The following WDPCP variants were observed in gnomAD, a reference collection of about 807,000 sequenced individuals.
WDPCP encodes WD repeat containing planar cell polarity effector, also known as WD repeat-containing and planar cell polarity effector protein fritz homolog.
A neutral mutation model predicts 93.1 loss-of-function variants in WDPCP; 71 were observed. The ratio of observed to expected loss-of-function variants is 0.76; its 90% CI spans 0.63 to 0.93. WDPCP has a LOEUF of 0.93. Among genes scored for constraint, WDPCP ranks in the 40% least tolerant of loss-of-function variants. WDPCP has a pLI of 0.00. For synonymous variants in WDPCP, 315 were observed against 315.0 expected, an observed-to-expected ratio of 1.00 and a Z score of 0.00; for missense variants, 844 against 887.4, an observed-to-expected ratio of 0.95 and a Z score of 0.62.
intron 2 of WDPCP, among the ~76,000 whole-genome samples, chr2:63,797,662 T>A (rs965514914): frequency 6.6e-6 from 1 of 151,160 alleles, no homozygotes; most frequent in East Asian, 1.9e-4. Context: ...GAAAAAAGAA[T>A]AAAGCACACC....
intron 6 of WDPCP, among the ~76,000 whole-genome samples, chr2:63,479,271 T>G (rs139190187): frequency 6.6e-6 from 1 of 152,072 alleles, no homozygotes; most frequent in African/African-American, 2.4e-5. Flanking sequence ...CAAAGAAGAA[T>G]TGGTATCAAT....
chr2:63,723,694 G>A (rs1313914621), intron 2 of WDPCP, among the ~76,000 whole-genome samples: 2 of 152,036 alleles, frequency 1.3e-5, no homozygotes, highest in African/African-American at 4.8e-5. Flanking sequence ...GACACCTCTG[G>A]CCCCACCCAA....
intron 2 of WDPCP, among the ~76,000 whole-genome samples, chr2:63,782,769 T>C (rs1159094311): frequency 1.3e-5 from 2 of 151,474 alleles, no homozygotes; most frequent in Non-Finnish European, 2.9e-5. Flanking sequence ...TGTGTGTGTG[T>C]GTGTGTGTTT....
chr2:63,648,964 T>A (rs1160553369), intron 3 of WDPCP, among the ~76,000 whole-genome samples: 1 of 152,236 alleles, frequency 6.6e-6, no homozygotes, highest in Non-Finnish European at 1.5e-5. Flanking sequence ...TTGCTAGGAC[T>A]CATATGATGT....
rs76147964 is a variant in WDPCP at position 63,518,623 on chromosome 2, C to G, written c.76-25683G>C. The G allele has an allele frequency of 3.3e-5, 5 of 152,620 alleles. No individual in the cohort carries two copies. In the East Asian group the frequency reaches 9.6e-4, roughly 29 times the overall value. 9.5% of individuals were successfully genotyped at this position (152,620 alleles called of 1,614,324 possible). ...CCCACACCCCGCAAAGCTCACCAGG[C>G]ACCCCTAGGAGACTTTAGCCTTAGG... On this transcript the variant is annotated intron_variant, in intron 1 of 17. Transcript: ENST00000272321.
At chr2:63,415,446 T>C (rs11694892) in intron 9 of WDPCP, among the ~76,000 whole-genome samples, 38,521 of 152,062 alleles carry the variant, frequency 0.25, 5,820 homozygotes, top group East Asian at 0.65. Flanking sequence ...AGCAAGAAAA[T>C]AGGATACTGT....
intron 3 of WDPCP, among the ~76,000 whole-genome samples, chr2:63,634,055 C>T (rs563487952): frequency 2.0e-5 from 3 of 151,518 alleles, no homozygotes; most frequent in South Asian, 2.1e-4. Context: ...GATTCCATCT[C>T]GAAAAAAGGG....
intron 3 of WDPCP, chr2:63,597,515 G>A (rs942147558): frequency 2.6e-6 from 4 of 1,509,790 alleles, no homozygotes; most frequent in Non-Finnish European, 3.6e-6. Flanking sequence ...GAAAGCAAAT[G>A]TGAAAATCTT....
chr2:63,316,270 G>A (rs1166547568), intron 12 of WDPCP, among the ~76,000 whole-genome samples: 2 of 152,044 alleles, frequency 1.3e-5, no homozygotes, highest in Admixed American at 6.6e-5. Flanking sequence ...TAAATGATAT[G>A]AGACAATCAA....
intron 11 of WDPCP, among the ~76,000 whole-genome samples, chr2:63,380,283 C>A (rs935851553): frequency 6.6e-6 from 1 of 151,468 alleles, no homozygotes; most frequent in Non-Finnish European, 1.5e-5. Flanking sequence ...TATATCAATA[C>A]TAAGAAATAA....
At chr2:63,289,691 A>G (rs1684258089) in intron 13 of WDPCP, among the ~76,000 whole-genome samples, 1 of 151,966 alleles carries the variant, frequency 6.6e-6, no homozygotes, top group Non-Finnish European at 1.5e-5. Flanking sequence ...TGGTTCACAT[A>G]TTTTATATAT....
intron 14 of WDPCP, among the ~76,000 whole-genome samples, chr2:63,234,789 GT>G (rs1679239248): frequency 6.6e-6 from 1 of 152,132 alleles, no homozygotes; most frequent in Non-Finnish European, 1.5e-5. Context: ...CGTACTCATG[GT>G]TTTTGTTGAG....
chr2:63,430,706 AC>A (rs1343903889), intron 9 of WDPCP, among the ~76,000 whole-genome samples: 1 of 151,680 alleles, frequency 6.6e-6, no homozygotes, highest in Non-Finnish European at 1.5e-5. Context: ...ACATGTTGAA[AC>A]CCTGTCTCTA....
chr2:63,603,087 G>A (rs1044296410), intron 3 of WDPCP, among the ~76,000 whole-genome samples: 6 of 151,924 alleles, frequency 3.9e-5, no homozygotes, highest in Admixed American at 3.9e-4. Context: ...AGCCTCCTGA[G>A]TAGCTGGGAT....
intron 2 of WDPCP, among the ~76,000 whole-genome samples, chr2:63,755,389 C>T (rs35474183): frequency 0.18 from 26,937 of 152,060 alleles, 2,551 homozygotes; most frequent in Middle Eastern, 0.22. Flanking sequence ...TAGCAGGAGA[C>T]GCAAGGACAT....
chr2:63,373,251 G>GTTTTTTT (rs751961511), intron 12 of WDPCP, among the ~76,000 whole-genome samples: 1 of 107,500 alleles, frequency 9.3e-6, no homozygotes. Flanking sequence ...TCATTTTTTT[G>GTTTTTTT]TTGTTTTTTT....
chr2:63,765,016 A>T (rs1363925125), intron 2 of WDPCP, among the ~76,000 whole-genome samples: 3 of 152,242 alleles, frequency 2.0e-5, no homozygotes, highest in African/African-American at 7.2e-5. Flanking sequence ...ATGTGTGGAA[A>T]GCACTATGTG....
At chr2:63,481,448 T>C (rs987545313) in intron 6 of WDPCP, among the ~76,000 whole-genome samples, 42 of 152,078 alleles carry the variant, frequency 2.8e-4, no homozygotes, top group Non-Finnish European at 7.4e-5. Flanking sequence ...CCATGCATGT[T>C]TGCAGCAGCA....
intron 3 of WDPCP, among the ~76,000 whole-genome samples, chr2:63,607,701 G>C (rs1032222910): frequency 2.0e-5 from 3 of 151,684 alleles, no homozygotes; most frequent in African/African-American, 7.3e-5. Flanking sequence ...GTGGTGGCGG[G>C]CACCTGTAGT....
Sources: gnomAD v4.1 joint callset for allele counts (sites outside exome capture counted in the v4.1 genomes callset) on GRCh38, gnomAD v4.1.1 for gene constraint, MANE v1.5 for transcripts, NCBI Gene and HGNC (gene_info 2026-07-23, HGNC 2026-07-21) for gene names.